Variants in GPC5 observed in about 807,000 individuals in gnomAD.
The protein encoded by GPC5 is glypican 5, also known as glypican-5.
Under a neutral mutation model 53.9 loss-of-function variants are expected in GPC5, and 47 were observed. The ratio of observed to expected loss-of-function variants is 0.87; its 90% confidence interval spans 0.69 to 1.11. GPC5 has a LOEUF of 1.11. Ranked by LOEUF, GPC5 falls within the 50% of genes most tolerant of loss-of-function variation. GPC5 has a pLI of 0.00. For synonymous variants in GPC5, 286 were observed against 263.3 expected (o/e 1.09, Z -0.84); for missense variants, 748 against 713.1 (o/e 1.05, Z -0.56).
rs1228054277 is a variant in GPC5, at chr13:91,605,071, G to GT, written c.326-88111dup. On this transcript the variant is annotated intron_variant, in intron 2 of 7. Transcript: ENST00000377067. ...GGTAATGCCTAGGTTTTCTTCTAGG[G>GT]TTTTTATGGTTTTAGGTCTAACGTT... Among the ~76,000 whole-genome samples the GT allele has an allele frequency of 6.0e-3, 343 of 56,842 alleles. 3 individuals are homozygous for GT. The highest frequency in any genetic ancestry group is 0.026 in the African/African-American group (328 of 12,758). 37.3% of individuals were successfully genotyped at this position (56,842 alleles called of 152,430 possible).
chr13:91,703,049 A>T (rs2036026448), intron 3 of GPC5, among the ~76,000 whole-genome samples: 1 of 152,056 alleles, frequency 6.6e-6, no homozygotes, highest in Admixed American at 6.6e-5. Flanking sequence ...TTGTTTACCA[A>T]ATTTGTTTAT....
chr13:92,704,953 C>A (rs1887901272), intron 7 of GPC5, among the ~76,000 whole-genome samples: 1 of 149,958 alleles, frequency 6.7e-6, no homozygotes, highest in South Asian at 2.1e-4. Context: ...ATGTATGTGT[C>A]TAAATACTAT....
At chr13:91,512,344 CT>C (rs1885275126) in intron 2 of GPC5, among the ~76,000 whole-genome samples, 1 of 152,202 alleles carries the variant, frequency 6.6e-6, no homozygotes, top group African/African-American at 2.4e-5. Flanking sequence ...TCCTATTCTT[CT>C]GTCTCCAGTC....
chr13:92,681,899 C>T (rs1193086841), intron 7 of GPC5, among the ~76,000 whole-genome samples: 1 of 152,154 alleles, frequency 6.6e-6, no homozygotes, highest in South Asian at 2.1e-4. Flanking sequence ...GACAAATTGA[C>T]TGCATTTCAT....
chr13:91,740,496 G>T (rs938207580), intron 4 of GPC5, among the ~76,000 whole-genome samples: 4 of 152,132 alleles, frequency 2.6e-5, no homozygotes, highest in African/African-American at 9.7e-5. Flanking sequence ...CTTGGAGAGA[G>T]GGGAGCTAAA....
intron 1 of GPC5, among the ~76,000 whole-genome samples, chr13:91,405,002 G>A (rs1330064): frequency 0.28 from 42,890 of 152,040 alleles, 7,215 homozygotes; most frequent in Middle Eastern, 0.45. Context: ...TTCTAAGCCT[G>A]ATTTTTTAAA....
intron 7 of GPC5, among the ~76,000 whole-genome samples, chr13:92,629,657 T>C (rs1419013587): frequency 6.6e-6 from 1 of 152,124 alleles, no homozygotes; most frequent in Non-Finnish European, 1.5e-5. Flanking sequence ...AGTCATAAAG[T>C]GTGAGCACCT....
At chr13:92,465,001 A>G (rs1208075637) in intron 7 of GPC5, among the ~76,000 whole-genome samples, 1 of 152,020 alleles carries the variant, frequency 6.6e-6, no homozygotes, top group East Asian at 1.9e-4. Flanking sequence ...AACAATGACC[A>G]GTAAAGTGAT....
intron 7 of GPC5, among the ~76,000 whole-genome samples, chr13:92,155,968 T>A (rs1391867278): frequency 6.6e-6 from 1 of 152,190 alleles, no homozygotes; most frequent in African/African-American, 2.4e-5. Context: ...TTTGTGAGAT[T>A]TGATCTCAAA....
chr13:92,499,819 C>T (rs1880115478), intron 7 of GPC5, among the ~76,000 whole-genome samples: 1 of 152,150 alleles, frequency 6.6e-6, no homozygotes, highest in Non-Finnish European at 1.5e-5. Flanking sequence ...AAAGATCAGG[C>T]TAAGTCTTCA....
intron 6 of GPC5, among the ~76,000 whole-genome samples, chr13:92,108,379 A>T (rs1313469270): frequency 2.0e-5 from 3 of 152,200 alleles, no homozygotes; most frequent in African/African-American, 7.2e-5. Flanking sequence ...ATGCATTATT[A>T]TCTTTCCCAT....
chr13:92,776,900 T>A (rs1875828735), intron 7 of GPC5, among the ~76,000 whole-genome samples: 1 of 151,756 alleles, frequency 6.6e-6, no homozygotes, highest in South Asian at 2.1e-4. Flanking sequence ...CTGGGAAGCC[T>A]GTAGTCTCAG....
intron 7 of GPC5, among the ~76,000 whole-genome samples, chr13:92,527,190 A>AAAG (rs1491449139): frequency 1.6e-3 from 33 of 20,536 alleles, no homozygotes; most frequent in African/African-American, 2.4e-3. Context: ...AAGAAGAAAG[A>AAAG]AAGAAAGAAA....
intron 7 of GPC5, among the ~76,000 whole-genome samples, chr13:92,683,508 G>C (rs1887166918): frequency 6.6e-6 from 1 of 152,160 alleles, no homozygotes; most frequent in African/African-American, 2.4e-5. Context: ...TGGACCTGCT[G>C]GAGGCCTTTA....
chr13:91,659,821 T>G (rs2034941602), intron 2 of GPC5, among the ~76,000 whole-genome samples: 1 of 152,176 alleles, frequency 6.6e-6, no homozygotes, highest in African/African-American at 2.4e-5. Flanking sequence ...GAGTGTAGGC[T>G]GGACTTAATT....
At position 92,433,684 on chromosome 13, in the gene GPC5, C is replaced by A. The variant is rs142816200; in HGVS notation, c.1561+288695C>A. On this transcript the variant is annotated intron_variant, in intron 7 of 7. Transcript: ENST00000377067. ...AGTAGAGAAATCAACTAAACTGATG[C>A]AATCAGTACATGAATTATAAACAAT... Among the ~76,000 whole-genome samples, 426 of 152,100 alleles carry A rather than the reference C, an allele frequency of 2.8e-3. 2 individuals carry two copies. The highest frequency in any genetic ancestry group is 9.7e-3 in the African/African-American group (401 of 41,496).
At chr13:92,224,695 A>G (rs1407017993) in intron 7 of GPC5, among the ~76,000 whole-genome samples, 1 of 152,186 alleles carries the variant, frequency 6.6e-6, no homozygotes, top group Non-Finnish European at 1.5e-5. Flanking sequence ...CAGTTCCACA[A>G]CCACAACCTT....
intron 7 of GPC5, among the ~76,000 whole-genome samples, chr13:92,427,757 G>A (rs562134707): frequency 5.9e-5 from 9 of 152,174 alleles, no homozygotes; most frequent in Non-Finnish European, 1.3e-4. Flanking sequence ...GCCCAATAAC[G>A]TTTGAAGTAT....
At chr13:92,674,184 C>T (rs536328245) in intron 7 of GPC5, among the ~76,000 whole-genome samples, 2 of 152,204 alleles carry the variant, frequency 1.3e-5, no homozygotes, top group South Asian at 4.1e-4. Flanking sequence ...ACATTCTAAC[C>T]TGGAGCTGCA....
Sources: gnomAD v4.1 joint callset for allele counts (sites outside exome capture counted in the v4.1 genomes callset) on GRCh38, gnomAD v4.1.1 for gene constraint, MANE v1.5 for transcripts, NCBI Gene and HGNC (gene_info 2026-07-23, HGNC 2026-07-21) for gene names.